Variants in RBFOX1 observed in about 807,000 individuals in gnomAD.
RBFOX1 encodes RNA binding fox-1 homolog 1.
A neutral mutation model predicts 57.7 loss-of-function variants in RBFOX1; 8 were observed. The ratio of observed to expected loss-of-function variants is 0.14; its 90% confidence interval spans 0.08 to 0.25. The LOEUF is 0.25. Ranked by LOEUF, RBFOX1 falls within the 10% of genes least tolerant of loss-of-function variation. The pLI is 1.00. For missense variants in RBFOX1, 611 were observed against 548.5 expected, an observed-to-expected ratio of 1.11 and a Z score of -1.14; for synonymous variants, 326 against 222.4, an observed-to-expected ratio of 1.47 and a Z score of -4.15.
chr16:7,004,309 C>T (rs987455066), intron 3 of RBFOX1, among the ~76,000 whole-genome samples: 1 of 152,048 alleles, frequency 6.6e-6, no homozygotes, highest in Non-Finnish European at 1.5e-5. Flanking sequence ...CATTCGGATA[C>T]CTAAGGTTAT....
At chr16:5,717,381 C>G (rs10852663) in intron 3 of RBFOX1, among the ~76,000 whole-genome samples, 140,372 of 152,058 alleles carry the variant, frequency 0.92, 64,970 homozygotes, top group East Asian at 1. Flanking sequence ...ATAGTTTTGG[C>G]GGTACAGGTG....
intron 1 of RBFOX1, among the ~76,000 whole-genome samples, chr16:5,425,377 TA>T (rs2067527906): frequency 6.6e-6 from 1 of 152,098 alleles, no homozygotes; most frequent in Admixed American, 6.5e-5. Flanking sequence ...GCGCTGGGAT[TA>T]CAGGCATGAG....
chr16:7,629,450 C>G (rs894792541), intron 10 of RBFOX1, among the ~76,000 whole-genome samples: 1 of 152,162 alleles, frequency 6.6e-6, no homozygotes, highest in Non-Finnish European at 1.5e-5. Context: ...TGGGAGATTG[C>G]TTTCCCGTTG....
intron 1 of RBFOX1, among the ~76,000 whole-genome samples, chr16:5,432,701 A>G (rs561768544): frequency 6.6e-6 from 1 of 151,416 alleles, no homozygotes; most frequent in Admixed American, 6.6e-5. Flanking sequence ...CCAGGCTCCG[A>G]GTTTATGGGG....
chr16:6,474,138 G>A (rs2095235967), intron 2 of RBFOX1, among the ~76,000 whole-genome samples: 1 of 152,078 alleles, frequency 6.6e-6, no homozygotes, highest in African/African-American at 2.4e-5. Flanking sequence ...GTCTATCCTT[G>A]ATGGGAGGGA....
At chr16:6,086,147 G>A (rs776108047) in intron 1 of RBFOX1, among the ~76,000 whole-genome samples, 3 of 152,126 alleles carry the variant, frequency 2.0e-5, no homozygotes, top group African/African-American at 7.2e-5. Context: ...TGCAAAGGAC[G>A]TGATTTCATT....
intron 3 of RBFOX1, among the ~76,000 whole-genome samples, chr16:5,657,700 TTCTG>T (rs2049491820): frequency 1.7e-5 from 2 of 117,650 alleles, no homozygotes; most frequent in Admixed American, 8.3e-5. Context: ...TTCTTTCTCC[TTCTG>T]TCTTTCTCTC....
In RBFOX1 at chr16:5,856,603, A is replaced by ATATG. The variant is rs1403852528; in HGVS notation, c.319-10698_319-10697insTGTA. Among the ~76,000 whole-genome samples, 138 of 110,680 alleles carry ATATG rather than the reference A, an allele frequency of 1.2e-3. 4 individuals carry two copies. The highest frequency in any genetic ancestry group is 4.3e-3 in the African/African-American group (133 of 30,876). The allele number at this position is 110,680 out of a possible 152,430, so 72.6% of individuals were successfully genotyped here. A position where few individuals can be genotyped will look rare whatever the true frequency, so the allele number is the denominator to read the frequency against. On this transcript the variant is annotated intron_variant, in intron 3 of 19. Transcript: ENST00000641259. ...TATATATATATATATATATATATAT[A>ATATG]TAATCTTAGCCAGATCTTCTGGATA...
chr16:6,386,885 T>C (rs957749056), intron 2 of RBFOX1, among the ~76,000 whole-genome samples: 1 of 152,128 alleles, frequency 6.6e-6, no homozygotes, highest in Non-Finnish European at 1.5e-5. Context: ...GGCGGAGAGC[T>C]GGAAAGATAT....
chr16:6,188,418 CAAAA>C (rs57875210), intron 1 of RBFOX1, among the ~76,000 whole-genome samples: 1,771 of 124,128 alleles, frequency 0.014, 28 homozygotes, highest in African/African-American at 0.043. Context: ...TTGTTTTAGC[CAAAA>C]AAAAAAAAAA....
Position 5,311,263 on chromosome 16 carries a change from CAT to C in RBFOX1, c.219+71165_219+71166del, listed in dbSNP as rs779312446. Among the ~76,000 whole-genome samples the C allele has an allele frequency of 3.2e-4, 49 of 152,220 alleles. No homozygotes were observed. The Middle Eastern group carries it at 0.01, about 32-fold the overall frequency. On this transcript the variant is annotated intron_variant, in intron 1 of 2. Transcript: ENST00000585867. ...CATATATCACACACATATACACACA[CAT>C]ATATATTAATATCACATTTTCTTTT... is the stretch of plus-strand genomic sequence containing the variant.
intron 3 of RBFOX1, among the ~76,000 whole-genome samples, chr16:5,702,919 A>G (rs2051103806): frequency 6.6e-6 from 1 of 152,166 alleles, no homozygotes; most frequent in South Asian, 2.1e-4. Flanking sequence ...ATCTTATTGT[A>G]TCTGTTACTA....
chr16:6,853,720 T>C (rs1024377670), intron 3 of RBFOX1, among the ~76,000 whole-genome samples: 3 of 152,136 alleles, frequency 2.0e-5, no homozygotes, highest in Non-Finnish European at 4.4e-5. Flanking sequence ...CGTTTACCAG[T>C]AGACAATGTG....
chr16:7,710,898 T>C lies in RBFOX1; in HGVS notation c.*153T>C. 2.5e-6 allele frequency: 2 copies of C among 813,782 alleles called. No individual in the cohort carries two copies. Among genetic ancestry groups the C allele is most frequent in the Non-Finnish European group, 3.4e-6 (2 of 588,778 alleles). The allele number at this position is 813,782 out of a possible 1,614,324, so 50.4% of individuals were successfully genotyped here. Reference sequence around the variant, plus strand: ...AAAAAAAATTACATTTTTTATCTTATACCTCAGATATTTTGTTCTGTGTAT... The same window carrying C: ...AAAAAAAATTACATTTTTTATCTTACACCTCAGATATTTTGTTCTGTGTAT... On this transcript the variant is annotated 3_prime_UTR_variant, in exon 16 of 16. Transcript: ENST00000550418.
At chr16:5,849,989 T>G (rs1466130205) in intron 3 of RBFOX1, among the ~76,000 whole-genome samples, 1 of 152,196 alleles carries the variant, frequency 6.6e-6, no homozygotes. Flanking sequence ...TGTTTGTCCT[T>G]TGGCTTGTTT....
At chr16:6,392,406 A>G (rs1213755481) in intron 2 of RBFOX1, among the ~76,000 whole-genome samples, 1 of 152,236 alleles carries the variant, frequency 6.6e-6, no homozygotes, top group Admixed American at 6.5e-5. Context: ...TAATAGTAAT[A>G]CAATTTTATG....
intron 4 of RBFOX1, among the ~76,000 whole-genome samples, chr16:7,371,214 G>A (rs957004606): frequency 3.3e-5 from 5 of 152,124 alleles, no homozygotes; most frequent in Non-Finnish European, 5.9e-5. Context: ...CATAACATTT[G>A]TGTGTTGTAT....
At chr16:5,850,326 A>G (rs1375939947) in intron 3 of RBFOX1, among the ~76,000 whole-genome samples, 1 of 152,196 alleles carries the variant, frequency 6.6e-6, no homozygotes, top group African/African-American at 2.4e-5. Context: ...CAGAAAGAAA[A>G]TGGAGCTGAT....
intron 4 of RBFOX1, among the ~76,000 whole-genome samples, chr16:7,337,652 C>A (rs551560701): frequency 3.9e-5 from 6 of 152,224 alleles, no homozygotes; most frequent in African/African-American, 9.6e-5. Flanking sequence ...CCATGACTCA[C>A]GCAGGTGAAT....
Sources: allele counts gnomAD v4.1 joint callset (sites outside exome capture counted in the v4.1 genomes callset), GRCh38; gene constraint gnomAD v4.1.1; transcripts MANE v1.5; gene names NCBI Gene and HGNC (gene_info 2026-07-23, HGNC 2026-07-21).